The following SVIL variants were observed in gnomAD, a reference collection of about 807,000 sequenced individuals.
SVIL encodes the protein supervillin.
Under a neutral mutation model 240.4 loss-of-function variants are expected in SVIL, and 101 were observed. The ratio of observed to expected loss-of-function variants is 0.42; its 90% confidence interval spans 0.36 to 0.50. The LOEUF is 0.50. Among genes scored for constraint, SVIL ranks in the 20% least tolerant of loss-of-function variants. SVIL has a pLI of 0.01. For missense variants in SVIL, 2,512 were observed against 2,818.7 expected, an observed-to-expected ratio of 0.89 and a Z score of 2.46; for synonymous variants, 999 against 1,100.0, an observed-to-expected ratio of 0.91 and a Z score of 1.82.
At chr10:29,643,278 G>T (rs1958547597) in intron 3 of SVIL, among the ~76,000 whole-genome samples, 1 of 152,218 alleles carries the variant, frequency 6.6e-6, no homozygotes, top group Admixed American at 6.5e-5. Context: ...CTTCTGAAAA[G>T]TTCTGCTTTC....
intron 1 of SVIL, among the ~76,000 whole-genome samples, chr10:29,625,625 G>A (rs1278085584): frequency 6.6e-6 from 1 of 151,950 alleles, no homozygotes; most frequent in Non-Finnish European, 1.5e-5. Flanking sequence ...CACCATGCCC[G>A]ATAATTTTTT....
intron 36 of SVIL, among the ~76,000 whole-genome samples, chr10:29,460,234 A>AT (rs1215756765): frequency 3.3e-5 from 5 of 152,148 alleles, no homozygotes; most frequent in African/African-American, 1.2e-4. Flanking sequence ...TAATAATAAG[A>AT]TATCTTGATG....
intron 1 of SVIL, among the ~76,000 whole-genome samples, chr10:29,709,115 GA>G (rs1251808650): frequency 6.6e-6 from 1 of 152,142 alleles, no homozygotes; most frequent in Non-Finnish European, 1.5e-5. Flanking sequence ...GGGGCAGGGG[GA>G]AAAGGAAGAA....
At chr10:29,518,158 C>T (rs1187676995) in intron 16 of SVIL, among the ~76,000 whole-genome samples, 5 of 152,162 alleles carry the variant, frequency 3.3e-5, no homozygotes, top group Admixed American at 1.3e-4. Context: ...GAGGCCTAGA[C>T]GGGTGGATCA....
chr10:29,695,235 A>G (rs1021845627), intron 1 of SVIL, among the ~76,000 whole-genome samples: 2 of 152,128 alleles, frequency 1.3e-5, no homozygotes, highest in Admixed American at 6.5e-5. Flanking sequence ...TTGATTCCCA[A>G]TTAGTAATTT....
At chr10:29,498,630 A>G (rs1223312702) in intron 18 of SVIL, among the ~76,000 whole-genome samples, 1 of 152,208 alleles carries the variant, frequency 6.6e-6, no homozygotes, top group East Asian at 1.9e-4. Context: ...TATTCAGTAG[A>G]AATATCTCAC....
chr10:29,465,781 TATC>T (rs1944840980), intron 33 of SVIL, 31 bp from the exon 34 acceptor site: 1 of 1,604,468 alleles, frequency 6.2e-7, no homozygotes, highest in Admixed American at 1.7e-5. Flanking sequence ...AAGCTGAAGA[TATC>T]ATGTGCATCA....
At chr10:29,560,001 A>T (rs1954307482) in intron 3 of SVIL, among the ~76,000 whole-genome samples, 1 of 152,210 alleles carries the variant, frequency 6.6e-6, no homozygotes, top group Admixed American at 6.5e-5. Context: ...GACATTGTTG[A>T]GTTCAGTCCT....
intron 2 of SVIL, among the ~76,000 whole-genome samples, chr10:29,567,331 G>T (rs1215002780): frequency 6.6e-6 from 1 of 152,176 alleles, no homozygotes; most frequent in African/African-American, 2.4e-5. Context: ...CAGCACCCAT[G>T]CGGTGTAAGT....
At position 29,707,608 on chromosome 10, in the gene SVIL, G is replaced by T. The variant is rs1306674418; in HGVS notation, c.-399-20957C>A. 2.0e-5 allele frequency among the ~76,000 whole-genome samples: 3 copies of T among 152,132 alleles called. No individual in the cohort carries two copies. In the East Asian group the frequency reaches 5.8e-4, roughly 29 times the overall value. ...TGTGGTAGCAGTGGTAATAGTGACA[G>T]CAGTAGCAGTGGTAATTAATAAGAC... On this transcript the variant is annotated intron_variant, in intron 1 of 35. Transcript: ENST00000375400.
chr10:29,475,662 G>T (rs1946115997), intron 29 of SVIL, among the ~76,000 whole-genome samples: 1 of 152,134 alleles, frequency 6.6e-6, no homozygotes, highest in African/African-American at 2.4e-5. Flanking sequence ...TCTGGAAGCA[G>T]AAGCTTCTAG....
intron 1 of SVIL, among the ~76,000 whole-genome samples, chr10:29,574,716 G>A (rs1004517507): frequency 2.6e-5 from 4 of 152,154 alleles, no homozygotes; most frequent in Non-Finnish European, 5.9e-5. Flanking sequence ...AGAGAACCGG[G>A]GCCACTGTTG....
chr10:29,533,501 G>T, intron 7 of SVIL, 43 bp from the exon 8 acceptor site: 1 of 1,570,168 alleles, frequency 6.4e-7, no homozygotes, highest in Non-Finnish European at 8.6e-7. Context: ...GTGCAGTAAC[G>T]GCCTCACAGG....
chr10:29,572,763 C>CAAAAAAAAAAAAAAAAAA (rs375180538), intron 1 of SVIL, among the ~76,000 whole-genome samples: 1 of 81,324 alleles, frequency 1.2e-5, no homozygotes, highest in Non-Finnish European at 2.3e-5. Flanking sequence ...GATCCTATCT[C>CAAAAAAAAAAAAAAAAAA]AAAAAAAAAA....
chr10:29,510,559 G>A (rs573762952), intron 17 of SVIL, among the ~76,000 whole-genome samples: 24 of 151,804 alleles, frequency 1.6e-4, no homozygotes, highest in African/African-American at 5.8e-4. Flanking sequence ...GTGATGAGCT[G>A]ACCATAACGC....
At chr10:29,714,948 T>TAAAAAAAAAAAAAAAAAAAAAAAAA (rs61107910) in intron 1 of SVIL, among the ~76,000 whole-genome samples, 1 of 78,472 alleles carries the variant, frequency 1.3e-5, no homozygotes, top group Admixed American at 1.5e-4. Context: ...TGTCTGAAAT[T>TAAAAAAAAAAAAAAAAAAAAAAAAA]AAAAAAAAAA....
chr10:29,507,562 TACAC>T (rs57620492), intron 17 of SVIL, among the ~76,000 whole-genome samples: 1 of 151,056 alleles, frequency 6.6e-6, no homozygotes, highest in Non-Finnish European at 1.5e-5. Flanking sequence ...CACTCATAGA[TACAC>T]ACTCTCATGG....
At chr10:29,717,232 CAAAAAAAAAAAAAAAAAAAA>C (rs71023503) in intron 1 of SVIL, among the ~76,000 whole-genome samples, 5 of 38,326 alleles carry the variant, frequency 1.3e-4, no homozygotes, top group Non-Finnish European at 1.8e-4. Flanking sequence ...GACTCTCTCT[CAAAAAAAAAAAAAAAAAAAA>C]AAAAAAAAAA....
Position 29,470,189 on chromosome 10 carries a change from T to C in SVIL, c.5843+87A>G, listed in dbSNP as rs532546919. 4.8e-4 allele frequency: 704 copies of C among 1,478,284 alleles called. 2 individuals are homozygous for C. The Middle Eastern group carries it at 5.6e-3, about 12-fold the overall frequency. 91.6% of individuals were successfully genotyped at this position (1,478,284 alleles called of 1,614,324 possible). On this transcript the variant is annotated intron_variant, in intron 32 of 37. Coordinates refer to ENST00000355867, the MANE Select transcript of SVIL (RefSeq NM_021738.3). ...CAGTCACTTTCAGCACCCTGGGATC[T>C]GCTGGGAGTCTTGGTACCCCTGAGC...
Sources: allele counts gnomAD v4.1 joint callset (sites outside exome capture counted in the v4.1 genomes callset), GRCh38; gene constraint gnomAD v4.1.1; transcripts MANE v1.5; gene names NCBI Gene and HGNC (gene_info 2026-07-23, HGNC 2026-07-21).